Variants in DIAPH2 observed in about 807,000 individuals in gnomAD.
DIAPH2 encodes protein diaphanous homolog 2.
A neutral mutation model predicts 92.7 loss-of-function variants in DIAPH2; 35 were observed. The ratio of observed to expected loss-of-function variants is 0.38; its 90% CI spans 0.29 to 0.50. DIAPH2 has a LOEUF of 0.50. Ranked by LOEUF, DIAPH2 falls within the 20% of genes least tolerant of loss-of-function variation. DIAPH2 has a pLI of 0.94. For synonymous variants in DIAPH2, 301 were observed against 280.4 expected (o/e 1.07, Z -0.73); for missense variants, 701 against 819.5 (o/e 0.86, Z 1.77).
intron 11 of DIAPH2, among the ~76,000 whole-genome samples, chrX:96,937,890 C>T (rs190385108): frequency 4.3e-4 from 48 of 111,860 alleles, no homozygotes; most frequent in African/African-American, 1.5e-3. Flanking sequence ...ATATAACCTT[C>T]CGACGGCAGC....
intron 23 of DIAPH2, among the ~76,000 whole-genome samples, chrX:97,326,522 A>C (rs1300059781): frequency 3.6e-5 from 4 of 111,856 alleles, no homozygotes; most frequent in African/African-American, 1.3e-4. Flanking sequence ...TGATTCTTAG[A>C]GCTTCAAGAT....
intron 26 of DIAPH2, among the ~76,000 whole-genome samples, chrX:97,548,348 A>G (rs781435014): frequency 1.8e-5 from 2 of 112,008 alleles, no homozygotes; most frequent in Admixed American, 9.5e-5. Flanking sequence ...CCCAAACAGT[A>G]TGACTCACTC....
chrX:97,146,293 C>A (rs2067247328), intron 22 of DIAPH2, among the ~76,000 whole-genome samples: 1 of 108,604 alleles, frequency 9.2e-6, no homozygotes, highest in South Asian at 4.0e-4. Context: ...TGGACTATCT[C>A]TTTGTAAAAT....
intron 25 of DIAPH2, among the ~76,000 whole-genome samples, chrX:97,390,649 C>T (rs2147739437): frequency 9.0e-6 from 1 of 111,696 alleles, no homozygotes; most frequent in African/African-American, 3.2e-5. Context: ...TCTCCTGCCT[C>T]AGCCTCCCAA....
chrX:96,875,623 C>A (rs1172043917), intron 4 of DIAPH2, among the ~76,000 whole-genome samples: 1 of 111,101 alleles, frequency 9.0e-6, no homozygotes, highest in East Asian at 2.8e-4. Context: ...TAGTTAGAAA[C>A]AGTGTTTCCT....
At chrX:96,710,921 G>A (rs1457303160) in intron 1 of DIAPH2, among the ~76,000 whole-genome samples, 1 of 111,569 alleles carries the variant, frequency 9.0e-6, no homozygotes, top group Non-Finnish European at 1.9e-5. Context: ...CCACTTATGA[G>A]TGAGAATAAA....
chrX:97,182,652 G>T (rs1245711749), intron 22 of DIAPH2, among the ~76,000 whole-genome samples: 1 of 111,799 alleles, frequency 8.9e-6, no homozygotes, highest in African/African-American at 3.2e-5. Flanking sequence ...ATTTTTATGT[G>T]GCCAGGATAT....
chrX:97,037,852 T>A (rs2066421629), intron 17 of DIAPH2, among the ~76,000 whole-genome samples: 1 of 111,999 alleles, frequency 8.9e-6, no homozygotes, highest in Non-Finnish European at 1.9e-5. Context: ...TATGATTTAT[T>A]ATCATTATTT....
chrX:97,211,608 T>G (rs1181696764), intron 22 of DIAPH2, among the ~76,000 whole-genome samples: 2 of 111,452 alleles, frequency 1.8e-5, no homozygotes, highest in East Asian at 5.6e-4. Context: ...TGCAACTGAT[T>G]TTTCTCTCAT....
At chrX:97,404,336 G>T (rs1220420098) in intron 25 of DIAPH2, among the ~76,000 whole-genome samples, 1 of 110,892 alleles carries the variant, frequency 9.0e-6, no homozygotes, top group African/African-American at 3.3e-5. Flanking sequence ...TATATTCTTG[G>T]CCGAGAAAAT....
chrX:97,080,954 G>T lies in DIAPH2; in HGVS notation c.2247+5693G>T, dbSNP rs190029414. On this transcript the variant is annotated intron_variant, in intron 19 of 26. Transcript: ENST00000324765. ...CAGGCTTGTGAGTCTGCATGTGTGCGTGCACTTTACGAGGGTTGATGACTT... is the reference window on the plus strand; with the variant it reads ...CAGGCTTGTGAGTCTGCATGTGTGCTTGCACTTTACGAGGGTTGATGACTT... Among the ~76,000 whole-genome samples the T allele has an allele frequency of 1.2e-3, 139 of 111,793 alleles. 1 individual carries two copies. Among genetic ancestry groups the T allele is most frequent in the African/African-American group, 4.3e-3 (132 of 30,750 alleles).
At position 97,394,787 on chromosome X, in the gene DIAPH2, T is replaced by G. The variant is rs184751500; in HGVS notation, c.3145+10743T>G. 3.9e-4 allele frequency among the ~76,000 whole-genome samples: 44 copies of G among 112,217 alleles called. No individual in the cohort carries two copies. In the Admixed American group the frequency reaches 4.0e-3, roughly 10 times the overall value. On this transcript the variant is annotated intron_variant, in intron 25 of 26. Coordinates refer to ENST00000324765, the MANE Select transcript of DIAPH2 (RefSeq NM_006729.5). Reference sequence around the variant, plus strand: ...AGCTCCCATTGTAGCAATCATCAAATGATAAACCACACCCTGCTGGTTGAA... The same window carrying G: ...AGCTCCCATTGTAGCAATCATCAAAGGATAAACCACACCCTGCTGGTTGAA...
intron 24 of DIAPH2, among the ~76,000 whole-genome samples, chrX:97,368,884 CAG>C (rs1403087057): frequency 6.0e-5 from 6 of 100,773 alleles, no homozygotes; most frequent in Non-Finnish European, 1.2e-4. Flanking sequence ...ACTAAACCAA[CAG>C]AGTCTACCCT....
intron 1 of DIAPH2, among the ~76,000 whole-genome samples, chrX:96,723,116 G>A (rs1189346917): frequency 9.0e-6 from 1 of 111,680 alleles, no homozygotes; most frequent in African/African-American, 3.3e-5. Flanking sequence ...GTAGGTGGGT[G>A]CTTGTGTATA....
At chrX:96,722,012 T>C (rs1486044317) in intron 1 of DIAPH2, among the ~76,000 whole-genome samples, 2 of 111,981 alleles carry the variant, frequency 1.8e-5, no homozygotes. Context: ...ATATACAAAT[T>C]ATAAATTAAC....
intron 11 of DIAPH2, among the ~76,000 whole-genome samples, chrX:96,938,869 C>T (rs753191447): frequency 8.9e-6 from 1 of 111,879 alleles, no homozygotes; most frequent in South Asian, 3.7e-4. Flanking sequence ...TCTTATGTGG[C>T]AGTGAAAATA....
At chrX:97,571,665 G>A (rs1480111748) in intron 26 of DIAPH2, among the ~76,000 whole-genome samples, 2 of 109,527 alleles carry the variant, frequency 1.8e-5, no homozygotes, top group South Asian at 7.8e-4. Context: ...TCATCTTTCC[G>A]TTTTTGCTTC....
At chrX:97,026,506 A>G (rs2066335948) in intron 17 of DIAPH2, among the ~76,000 whole-genome samples, 1 of 112,159 alleles carries the variant, frequency 8.9e-6, no homozygotes, top group Admixed American at 9.4e-5. Context: ...GTCCAAATTA[A>G]TCAGGAGCTC....
intron 5 of DIAPH2, among the ~76,000 whole-genome samples, chrX:96,893,860 G>C (rs1225420699): frequency 9.0e-6 from 1 of 111,720 alleles, no homozygotes; most frequent in Non-Finnish European, 1.9e-5. Context: ...ATGTGCACTA[G>C]ATAACAGTAT....
Sources: allele counts gnomAD v4.1 joint callset (sites outside exome capture counted in the v4.1 genomes callset), GRCh38; gene constraint gnomAD v4.1.1; transcripts MANE v1.5; gene names NCBI Gene and HGNC (gene_info 2026-07-23, HGNC 2026-07-21).